MAPRE2: variants seen among roughly 807,000 people sequenced by gnomAD.
MAPRE2 encodes the protein microtubule associated protein RP/EB family member 2, also known as microtubule-associated protein RP/EB family member 2.
In MAPRE2, 13 loss-of-function variants were observed where a neutral mutation model predicts 43.2. The observed-to-expected ratio is 0.30, with a 90% confidence interval of 0.20 to 0.48. The LOEUF is 0.48. MAPRE2 is among the 20% of genes least tolerant of loss of function. The pLI is 0.99. For synonymous variants in MAPRE2, 135 were observed against 148.8 expected (o/e 0.91, Z 0.68); for missense variants, 161 against 400.2 (o/e 0.40, Z 5.10).
chr18:35,078,005 C>A (rs1431347831), intron 2 of MAPRE2, among the ~76,000 whole-genome samples: 2 of 151,866 alleles, frequency 1.3e-5, no homozygotes, highest in Non-Finnish European at 1.5e-5. Context: ...GATACTTTTT[C>A]TTTTTCTTTT....
At chr18:35,042,909 C>T (rs943058914) in intron 1 of MAPRE2, among the ~76,000 whole-genome samples, 2 of 134,696 alleles carry the variant, frequency 1.5e-5, no homozygotes, top group Non-Finnish European at 3.1e-5. Flanking sequence ...CAAAGAAATG[C>T]AGTATTTGTT....
At chr18:35,127,426 A>T (rs1048898281) in intron 5 of MAPRE2, 1 of 213,532 alleles carries the variant, frequency 4.7e-6, no homozygotes, top group African/African-American at 2.3e-5. Flanking sequence ...CATTCTAGAT[A>T]GTGCTGCATT....
upstream of MAPRE2, among the ~76,000 whole-genome samples, chr18:35,040,624 T>C (rs1172145903): frequency 6.6e-6 from 1 of 152,244 alleles, no homozygotes; most frequent in Admixed American, 6.5e-5. Context: ...CTAAGTGAGG[T>C]GATCACTTTT....
chr18:34,988,281 A>T (rs2150573480), intron 1 of MAPRE2, among the ~76,000 whole-genome samples: 1 of 152,206 alleles, frequency 6.6e-6, no homozygotes, highest in East Asian at 1.9e-4. Flanking sequence ...GAGTTCTAAA[A>T]CCTCACTTCT....
chr18:35,030,608 C>G (rs1025339098), intron 2 of MAPRE2, among the ~76,000 whole-genome samples: 1 of 152,070 alleles, frequency 6.6e-6, no homozygotes, highest in Non-Finnish European at 1.5e-5. Flanking sequence ...AGCACTTGGC[C>G]CATAAAAAGT....
intron 5 of MAPRE2, among the ~76,000 whole-genome samples, chr18:35,128,448 A>G (rs1910003068): frequency 6.6e-6 from 1 of 152,260 alleles, no homozygotes; most frequent in Non-Finnish European, 1.5e-5. Context: ...TCAAGCAACC[A>G]AGTATTGCAA....
At chr18:35,000,126 G>T (rs1416661012) in intron 1 of MAPRE2, among the ~76,000 whole-genome samples, 2 of 152,114 alleles carry the variant, frequency 1.3e-5, no homozygotes, top group Non-Finnish European at 2.9e-5. Context: ...TCTCAAAGTG[G>T]CCATGGGGAG....
chr18:35,113,202 A>G (rs1468599057), intron 4 of MAPRE2, among the ~76,000 whole-genome samples: 1 of 152,234 alleles, frequency 6.6e-6, no homozygotes, highest in Non-Finnish European at 1.5e-5. Flanking sequence ...CTGCCTTGCC[A>G]GGACACTGAA....
intron 2 of MAPRE2, among the ~76,000 whole-genome samples, chr18:35,009,051 T>C (rs1360706947): frequency 6.6e-6 from 1 of 152,172 alleles, no homozygotes; most frequent in Non-Finnish European, 1.5e-5. Context: ...CTAGGTATTG[T>C]AGTTTTTCAA....
chr18:34,977,199 C>A (rs1049636757), intron 1 of MAPRE2: 3 of 152,736 alleles, frequency 2.0e-5, no homozygotes, highest in Admixed American at 1.3e-4. Flanking sequence ...GGTCTGCAGC[C>A]CGCGGGGCTC....
rs1908155351 is a variant in MAPRE2 at position 35,091,656 on chromosome 18, G to A, written c.251-5790G>A. On this transcript the variant is annotated intron_variant, in intron 2 of 6. Transcript: ENST00000300249. ...TGCTGGAGGGGACTGCAGCAGATGG[G>A]TGGGCTCCTTTGACTCCACTTTGCC... is the stretch of plus-strand genomic sequence containing the variant. Among the ~76,000 whole-genome samples, 5 of 152,010 alleles carry A rather than the reference G, an allele frequency of 3.3e-5. No homozygotes were observed. In the South Asian group the frequency reaches 1.0e-3, roughly 32 times the overall value.
At chr18:35,064,735 G>C (rs1284937505) in intron 1 of MAPRE2, among the ~76,000 whole-genome samples, 1 of 152,184 alleles carries the variant, frequency 6.6e-6, no homozygotes, top group African/African-American at 2.4e-5. Context: ...CAGAAATACA[G>C]TGTCTAATGT....
upstream of MAPRE2, chr18:35,041,260 C>T (rs1201549807): frequency 3.1e-6 from 4 of 1,292,680 alleles, no homozygotes; most frequent in Non-Finnish European, 4.0e-6. Context: ...GGCGTGGTCA[C>T]GCCGCGACCC....
At chr18:35,010,480 A>G (rs1378163018) in intron 2 of MAPRE2, among the ~76,000 whole-genome samples, 1 of 152,218 alleles carries the variant, frequency 6.6e-6, no homozygotes, top group Non-Finnish European at 1.5e-5. Flanking sequence ...TAGAGGTAAC[A>G]TAATTGTTGG....
At chr18:35,067,680 C>G in intron 1 of MAPRE2, among the ~76,000 whole-genome samples, 1 of 152,132 alleles carries the variant, frequency 6.6e-6, no homozygotes, top group South Asian at 2.1e-4. Flanking sequence ...CCCGGTAATG[C>G]AGAAGCTTTC....
chr18:35,084,685 A>G (rs567431816), intron 2 of MAPRE2, among the ~76,000 whole-genome samples: 20 of 152,326 alleles, frequency 1.3e-4, no homozygotes, highest in African/African-American at 4.3e-4. Flanking sequence ...TAGGAGTTGA[A>G]ATCTTCCTGC....
intron 1 of MAPRE2, among the ~76,000 whole-genome samples, chr18:35,066,441 T>C (rs914235356): frequency 2.0e-5 from 3 of 152,216 alleles, no homozygotes; most frequent in African/African-American, 7.2e-5. Flanking sequence ...GTCATATAGA[T>C]TGAGACCCCA....
chr18:35,005,959 CAG>C (rs1029071668), intron 2 of MAPRE2, among the ~76,000 whole-genome samples: 6 of 152,062 alleles, frequency 3.9e-5, no homozygotes, highest in South Asian at 2.1e-4. Flanking sequence ...GAAAGAGAGA[CAG>C]AGTGAGAGCG....
intron 2 of MAPRE2, among the ~76,000 whole-genome samples, chr18:35,074,858 A>T (rs1194944341): frequency 6.6e-6 from 1 of 152,058 alleles, no homozygotes; most frequent in African/African-American, 2.4e-5. Flanking sequence ...CTGTCACTAT[A>T]TCCTGGACTG....
Sources: gnomAD v4.1 joint callset for allele counts (sites outside exome capture counted in the v4.1 genomes callset) on GRCh38, gnomAD v4.1.1 for gene constraint, MANE v1.5 for transcripts, NCBI Gene and HGNC (gene_info 2026-07-23, HGNC 2026-07-21) for gene names.